The following ZNF112 variants were observed in gnomAD, a reference collection of about 807,000 sequenced individuals.
ZNF112 encodes zinc finger protein 112.
In ZNF112, 37 loss-of-function variants were observed where a neutral mutation model predicts 77.7. That is an observed-to-expected ratio of 0.48 (90% confidence interval 0.37 to 0.63). The LOEUF (loss-of-function observed/expected upper bound fraction) is 0.63, where lower values mean the gene tolerates loss of function less well. Among genes scored for constraint, ZNF112 ranks in the 20% least tolerant of loss-of-function variants. The probability of loss-of-function intolerance (pLI) is 0.00; values close to 1 mark genes in which losing one functional copy is unlikely to be tolerated. For synonymous variants in ZNF112, 333 were observed against 363.6 expected, an observed-to-expected ratio of 0.92 and a Z score of 0.96; for missense variants, 950 against 1,077.4, an observed-to-expected ratio of 0.88 and a Z score of 1.66.
intron 2 of ZNF112, among the ~76,000 whole-genome samples, chr19:44,338,680 G>C (rs951678062): frequency 1.3e-5 from 2 of 152,218 alleles, no homozygotes; most frequent in African/African-American, 2.4e-5. Flanking sequence ...AAATGCTGTG[G>C]AAATGTTCTA....
intron 1 of ZNF112, among the ~76,000 whole-genome samples, chr19:44,365,117 T>C (rs985086702): frequency 2.0e-4 from 30 of 152,194 alleles, no homozygotes; most frequent in African/African-American, 6.7e-4. Context: ...GGTTTTTTTA[T>C]TGTTGTTGTT....
intron 3 of ZNF112, among the ~76,000 whole-genome samples, chr19:44,333,453 C>T (rs1169269530): frequency 3.3e-5 from 5 of 152,184 alleles, no homozygotes; most frequent in East Asian, 3.9e-4. Context: ...GATATGGTTT[C>T]GCTCTGCGTC....
chr19:44,336,640 G>A lies in ZNF112; in HGVS notation c.203C>T (p.Pro68Leu), dbSNP rs1352687199. 1.2e-6 allele frequency: 2 copies of A among 1,613,854 alleles called. No individual in the cohort carries two copies. The highest frequency in any genetic ancestry group is 1.1e-5 in the South Asian group (1 of 91,068). Residue 68 changes from proline to leucine, a missense_variant, in exon 3 of 4, where the codon CCA becomes CTA. Pro to Leu is a moderately conservative substitution (Grantham distance 98). Coordinates refer to ENST00000354340, the MANE Select transcript of ZNF112 (RefSeq NM_013380.4). ...EKLLMVETET[P>L]RDGCSGRKNQ... ...GTTCTCACCTGAACATCCATCTCTT[G>A]GGGTTTCTGTCTCCACCATCAAAAG...
chr19:44,366,564 G>A (rs1970906427), intron 1 of ZNF112, among the ~76,000 whole-genome samples: 1 of 152,122 alleles, frequency 6.6e-6, no homozygotes, highest in African/African-American at 2.4e-5. Flanking sequence ...CCATCTGCGA[G>A]AAATCAGAAC....
chr19:44,337,653 T>C (rs1408119893), intron 2 of ZNF112, among the ~76,000 whole-genome samples: 1 of 150,710 alleles, frequency 6.6e-6, no homozygotes, highest in African/African-American at 2.4e-5. Context: ...CGCATGAATG[T>C]TCTTCATTCC....
intron 1 of ZNF112, among the ~76,000 whole-genome samples, chr19:44,346,966 C>G (rs1453413497): frequency 6.6e-6 from 1 of 152,164 alleles, no homozygotes; most frequent in Non-Finnish European, 1.5e-5. Flanking sequence ...TTATTCAGGT[C>G]TTTTGAATCC....
In ZNF112 at chr19:44,352,023, T is replaced by C. The variant is rs1435168086; in HGVS notation, c.-4+4603A>G. On this transcript the variant is annotated intron_variant, in intron 1 of 3. Transcript: ENST00000354340. Reference sequence around the variant, plus strand: ...ACTGCATTGATTTGTTCACGTGATGTTATGGAAAAGGCAATGGGGTTGGGG... The same window carrying C: ...ACTGCATTGATTTGTTCACGTGATGCTATGGAAAAGGCAATGGGGTTGGGG... 2.0e-5 allele frequency among the ~76,000 whole-genome samples: 3 copies of C among 152,014 alleles called. No individual in the cohort carries two copies. In the East Asian group the frequency reaches 5.8e-4, roughly 29 times the overall value.
chr19:44,343,439 T>C, intron 1 of ZNF112: 1 of 676,864 alleles, frequency 1.5e-6, no homozygotes, highest in Non-Finnish European at 2.4e-6. Flanking sequence ...GTAGCATGGG[T>C]TGGATTCTAG....
intron 2 of ZNF112, among the ~76,000 whole-genome samples, chr19:44,339,838 A>G (rs1437121615): frequency 6.6e-6 from 1 of 152,140 alleles, no homozygotes; most frequent in Non-Finnish European, 1.5e-5. Flanking sequence ...CTGTATATAC[A>G]CTGAAGTATT....
In ZNF112 at chr19:44,329,171, TCAC is replaced by T. The variant is rs750838512; in HGVS notation, c.983_985del (p.Gly328del). On this transcript the variant is annotated inframe_deletion, in exon 4 of 4. Coordinates refer to ENST00000354340, the MANE Select transcript of ZNF112 (RefSeq NM_013380.4). ...ACAGTGATTGAAGTTCTCACCATATTCACCACATTTGCATGGTTTCTCCTCTGT... is the reference window on the plus strand; with the variant it reads ...ACAGTGATTGAAGTTCTCACCATATTCACATTTGCATGGTTTCTCCTCTGT... The T allele has an allele frequency of 4.3e-6, 7 of 1,613,936 alleles. No individual in the cohort carries two copies. In the South Asian group the frequency reaches 6.6e-5, roughly 15 times the overall value.
Position 44,336,505 on chromosome 19 carries a change from A to C in ZNF112, c.220+118T>G, listed in dbSNP as rs1159383477. On this transcript the variant is annotated intron_variant, in intron 3 of 3. Transcript: ENST00000354340. ...CTAATAGACCACTTTAAGTACTTTA[A>C]ACTTACTATGTGTGAAATGGGGAGC... The C allele has an allele frequency of 4.7e-6, 4 of 842,150 alleles. No individual in the cohort carries two copies. In the African/African-American group the frequency reaches 5.0e-5, roughly 11 times the overall value. The allele number at this position is 842,150 out of a possible 1,614,324, so 52.2% of individuals were successfully genotyped here. A position where few individuals can be genotyped will look rare whatever the true frequency, so the allele number is the denominator to read the frequency against.
chr19:44,352,517 A>C (rs1970711781), intron 1 of ZNF112, among the ~76,000 whole-genome samples: 2 of 152,132 alleles, frequency 1.3e-5, no homozygotes, highest in Non-Finnish European at 2.9e-5. Context: ...GAGGCAAGGA[A>C]AAGAAATAAA....
At chr19:44,357,045 G>A (rs543655286), upstream of ZNF112, among the ~76,000 whole-genome samples, 1 of 152,146 alleles carries the variant, frequency 6.6e-6, no homozygotes, top group Non-Finnish European at 1.5e-5. Flanking sequence ...GGATCTTCTG[G>A]ACAATTCCCG....
rs749522366 is a variant in ZNF112 at position 44,327,563 on chromosome 19, C to T, written c.2594G>A (p.Arg865His). The T allele has an allele frequency of 1.4e-5, 22 of 1,613,956 alleles. No individual in the cohort carries two copies. Among genetic ancestry groups the T allele is most frequent in the Admixed American group, 3.3e-5 (2 of 59,976 alleles). The stretch of plus-strand genomic sequence containing the variant: ...ATGAATGAGAAGACCTGAGCTCCAA[C>T]GGAAACCCTTACCACATGCATCACA... ...YKCDACGKGFRWSSGLLIHQR... is the reference protein window; with the variant it reads ...YKCDACGKGFHWSSGLLIHQR... The change falls in exon 4 of 4, where the codon CGT (arginine) becomes CAT (histidine). Residue 865 changes from arginine (R) to histidine (H), a missense_variant. This residue lies in a region of ZNF112 where 373 missense variants were observed against 482.8 expected (regional missense o/e 0.77). Coordinates refer to ENST00000354340, the MANE Select transcript of ZNF112 (RefSeq NM_013380.4).
At chr19:44,366,322 G>C (rs898649339) in intron 1 of ZNF112, among the ~76,000 whole-genome samples, 2 of 152,170 alleles carry the variant, frequency 1.3e-5, no homozygotes, top group Non-Finnish European at 2.9e-5. Flanking sequence ...TTGAGGAAAA[G>C]TATATTGCTC....
Position 44,340,419 on chromosome 19 carries a change from C to G in ZNF112, c.121G>C (p.Val41Leu). The G allele has an allele frequency of 6.2e-7, 1 of 1,613,934 alleles. No homozygotes were observed. The highest frequency in any genetic ancestry group is 8.5e-7 in the Non-Finnish European group (1 of 1,179,912). ...MLENFRNLLL[V>L]AHQPFKPDLI... ...AACTAAGGGCACCTATCCTCACCTA[C>G]TAAGAGCAGGTTCCTGAAGTTCTCC... The change falls in exon 2 of 4, where the codon GTA (valine) becomes CTA (leucine). Residue 41 changes from valine (V) to leucine (L), a missense_variant. Transcript: ENST00000354340.
chr19:44,333,801 G>A (rs543211887), intron 3 of ZNF112, among the ~76,000 whole-genome samples: 1 of 152,274 alleles, frequency 6.6e-6, no homozygotes, highest in East Asian at 1.9e-4. Flanking sequence ...CTGGTCTCAG[G>A]TAGTTCTTTA....
chr19:44,327,350 A>G lies in ZNF112; in HGVS notation c.*83T>C. ...TTATGAATGTTGAAGTTGGGCAGCAACATTACATTTTAATTTTTAAAAATT... is the reference window on the plus strand; with the variant it reads ...TTATGAATGTTGAAGTTGGGCAGCAGCATTACATTTTAATTTTTAAAAATT... On this transcript the variant is annotated 3_prime_UTR_variant, in exon 4 of 4. Transcript: ENST00000354340. 1.7e-6 allele frequency: 2 copies of G among 1,161,238 alleles called. No individual in the cohort carries two copies. The highest frequency in any genetic ancestry group is 2.4e-6 in the Non-Finnish European group (2 of 838,098). 71.9% of individuals were successfully genotyped at this position (1,161,238 alleles called of 1,614,324 possible).
chr19:44,329,680 G>A lies in ZNF112; in HGVS notation c.477C>T (p.Gly159=). The change falls in exon 4 of 4, where the codon GGC becomes GGT. Residue 159 remains glycine, a synonymous_variant. Transcript: ENST00000354340. The stretch of plus-strand genomic sequence containing the variant: ...ACCCTTGACTTTTTATATAATTGGA[G>A]CCATTCCCTATATGAGTGAATATAT... The part of the protein sequence containing the change: ...KNYIFTHIGN[G]SNYIKSQGYP... 1.2e-6 allele frequency: 2 copies of A among 1,614,082 alleles called. No individual in the cohort carries two copies. The highest frequency in any genetic ancestry group is 1.7e-6 in the Non-Finnish European group (2 of 1,179,998).
Sources: allele counts gnomAD v4.1 joint callset (sites outside exome capture counted in the v4.1 genomes callset), GRCh38; gene constraint gnomAD v4.1.1; regional missense constraint gnomAD v4.1.1; transcripts MANE v1.5; gene names NCBI Gene and HGNC (gene_info 2026-07-23, HGNC 2026-07-21).